Variants in FBXO17 observed in about 807,000 individuals in gnomAD.
The protein encoded by FBXO17 is F-box only protein 17.
In FBXO17, 43 loss-of-function variants were observed where a neutral mutation model predicts 34.1. That is an observed-to-expected ratio of 1.26 (90% CI 0.99 to 1.62). The LOEUF (loss-of-function observed/expected upper bound fraction) is 1.62. Among genes scored for constraint, FBXO17 ranks in the 40% most tolerant of loss-of-function variants. FBXO17 has a pLI of 0.00. For synonymous variants in FBXO17, 169 were observed against 166.0 expected (o/e 1.02, Z -0.14); for missense variants, 424 against 386.7 (o/e 1.10, Z -0.81).
At chr19:38,944,648 CCTGT>C (rs10596634) in intron 5 of FBXO17, 224,043 of 319,348 alleles carry the variant, frequency 0.7, 81,299 homozygotes, top group East Asian at 0.97. Context: ...ACATAACCTC[CCTGT>C]CTGTGCCTCT....
rs772765787 is a variant in FBXO17, at chr19:38,942,680, C to T, written c.765G>A (p.Val255=). ...CGCCATAGTGCCCCACCCAGGAACT[C>T]ACGTCTCTCCCGTACTGCTCAAAAG... is the stretch of plus-strand genomic sequence containing the variant. ...YVSFEQYGRD[V]SSWVGHYGAL... Residue 255 remains valine, a synonymous_variant, in exon 6 of 6, where the codon GTG becomes GTA. Coordinates refer to ENST00000292852, the MANE Select transcript of FBXO17 (RefSeq NM_024907.7). The T allele has an allele frequency of 6.2e-7, 1 of 1,603,400 alleles. No individual in the cohort carries two copies. Among genetic ancestry groups the T allele is most frequent in the Admixed American group, 1.7e-5 (1 of 58,154 alleles).
intron 2 of FBXO17, among the ~76,000 whole-genome samples, chr19:38,949,074 T>G (rs560676413): frequency 5.0e-4 from 76 of 151,278 alleles, no homozygotes; most frequent in African/African-American, 1.7e-3. Flanking sequence ...GGACCACAGG[T>G]GCATGCCACC....
chr19:38,954,613 CTT>C (rs34609435), intron 1 of FBXO17, among the ~76,000 whole-genome samples: 14 of 97,446 alleles, frequency 1.4e-4, no homozygotes, highest in Non-Finnish European at 2.6e-4. Flanking sequence ...GAGTTTCACT[CTT>C]GTTGCCCAGG....
intron 1 of FBXO17, among the ~76,000 whole-genome samples, chr19:38,957,622 A>G (rs1433882708): frequency 6.6e-6 from 1 of 151,980 alleles, no homozygotes; most frequent in African/African-American, 2.4e-5. Context: ...GGGATTACAG[A>G]CTTGAGCCAC....
intron 5 of FBXO17, 48 bp downstream of exon 5, chr19:38,944,921 G>A (rs746634528): frequency 3.6e-5 from 58 of 1,608,544 alleles, no homozygotes; most frequent in Non-Finnish European, 4.2e-5. Flanking sequence ...GGCTGGGCGT[G>A]TGTGCCTTTA....
At chr19:38,952,004 G>A (rs925236696) in intron 1 of FBXO17, among the ~76,000 whole-genome samples, 3 of 150,078 alleles carry the variant, frequency 2.0e-5, no homozygotes, top group Non-Finnish European at 4.4e-5. Flanking sequence ...AGGCTGGAGT[G>A]CAGTGGCACA....
intron 1 of FBXO17, among the ~76,000 whole-genome samples, chr19:38,953,865 G>A (rs1291969843): frequency 1.3e-5 from 2 of 152,034 alleles, no homozygotes; most frequent in African/African-American, 2.4e-5. Context: ...GAACGGGTGT[G>A]GGCAAGGGTG....
rs1449283024 is a variant in FBXO17 at position 38,950,259 on chromosome 19, G to C, written c.61C>G (p.Leu21Val). ...ACCTGCACCAGCAGCTCCGGGGGCA[G>C]CGCGTCCAGGGCCAGGGATGGGTCC... Reference protein sequence around the residue: ...PADPSLALDALPPELLVQVLS... With the variant: ...PADPSLALDAVPPELLVQVLS... Residue 21 changes from leucine (L) to valine (V), a missense_variant, in exon 2 of 6, where the codon CTG (leucine) becomes GTG (valine). Coordinates refer to ENST00000292852, the MANE Select transcript of FBXO17 (RefSeq NM_024907.7). 1 of 1,506,656 alleles carries C rather than the reference G, an allele frequency of 6.6e-7. No homozygotes were observed. The highest frequency in any genetic ancestry group is 1.3e-5 in the South Asian group (1 of 79,104). 93.3% of individuals were successfully genotyped at this position (1,506,656 alleles called of 1,614,324 possible).
At chr19:38,953,665 CAAAACA>C (rs1323294437) in intron 1 of FBXO17, among the ~76,000 whole-genome samples, 1 of 151,452 alleles carries the variant, frequency 6.6e-6, no homozygotes, top group Non-Finnish European at 1.5e-5. Flanking sequence ...TGTCTCAAAA[CAAAACA>C]AAAACAAAAA....
intron 1 of FBXO17, among the ~76,000 whole-genome samples, chr19:38,968,315 T>G (rs556688029): frequency 5.6e-4 from 35 of 62,268 alleles, no homozygotes; most frequent in African/African-American, 4.8e-3. Flanking sequence ...CAAGACTCTG[T>G]CTCCAAAAAA....
In FBXO17 at chr19:38,946,660, A is replaced by G. The variant is rs1015009745; in HGVS notation, c.462-93T>C. 4 of 1,537,846 alleles carry G rather than the reference A, an allele frequency of 2.6e-6. No individual in the cohort carries two copies. The African/African-American group carries it at 5.4e-5, about 21-fold the overall frequency. ...CTCCTCCAAGAAGTCTCCCTTGATA[A>G]CCCTCTCTAAAGCAGCCCTCAGGGT... On this transcript the variant is annotated intron_variant, in intron 3 of 5. Coordinates refer to ENST00000292852, the MANE Select transcript of FBXO17 (RefSeq NM_024907.7).
At chr19:38,947,888 G>A (rs1232830393) in intron 3 of FBXO17, among the ~76,000 whole-genome samples, 1 of 149,910 alleles carries the variant, frequency 6.7e-6, no homozygotes, top group Non-Finnish European at 1.5e-5. Context: ...ATAAAGTGGG[G>A]GCAATAATAG....
chr19:38,949,823 GC>G, intron 2 of FBXO17, 147 bp downstream of exon 2: 3 of 1,016,562 alleles, frequency 3.0e-6, no homozygotes, highest in Non-Finnish European at 4.1e-6. Context: ...CGGGCCTACC[GC>G]CCAGGCACTG....
chr19:38,973,477 G>A (rs1055133766), intron 1 of FBXO17, among the ~76,000 whole-genome samples: 2 of 152,146 alleles, frequency 1.3e-5, no homozygotes, highest in Non-Finnish European at 2.9e-5. Flanking sequence ...CCCCGTGGGG[G>A]CTCAAACACC....
chr19:38,944,933 C>G, intron 5 of FBXO17, 36 bp downstream of exon 5: 1 of 1,610,422 alleles, frequency 6.2e-7, no homozygotes, highest in Non-Finnish European at 8.5e-7. Context: ...GTGCCTTTAG[C>G]GGGTCGGGGG....
At chr19:38,963,604 T>C (rs562830149) in intron 1 of FBXO17, among the ~76,000 whole-genome samples, 10 of 152,258 alleles carry the variant, frequency 6.6e-5, no homozygotes, top group African/African-American at 2.4e-4. Context: ...ATCCACTTGT[T>C]GTGTATCAAT....
chr19:38,956,518 C>T (rs896680499), intron 1 of FBXO17, among the ~76,000 whole-genome samples: 11 of 152,130 alleles, frequency 7.2e-5, no homozygotes, highest in African/African-American at 2.2e-4. Context: ...GCTGATCCAG[C>T]TTAAATGCTC....
In FBXO17 at chr19:38,946,519, C is replaced by T. The variant is rs146027496; in HGVS notation, c.510G>A (p.Trp170Ter). 3.1e-6 allele frequency: 5 copies of T among 1,613,926 alleles called. No individual in the cohort carries two copies. The highest frequency in any genetic ancestry group is 1.7e-5 in the Admixed American group (1 of 59,996). Residue 170 changes from tryptophan to a stop codon, truncating the protein, a stop_gained, in exon 4 of 6, where the codon TGG (tryptophan) becomes TGA (stop). Transcript: ENST00000292852. LOFTEE classifies it high-confidence loss of function. ...TCTGGGCGCTGTCCAGCAGCTCCTG[C>T]CACACCCCTTCCATCACCAGGTCCA... Reference protein sequence around the residue: ...QLVDLVMEGVWQELLDSAQIE... With the variant: ...QLVDLVMEGV
Position 38,946,568 on chromosome 19 carries a change from C to T in FBXO17, c.462-1G>A, listed in dbSNP as rs781624822. 12 of 1,613,982 alleles carry T rather than the reference C, an allele frequency of 7.4e-6. No individual in the cohort carries two copies. The highest frequency in any genetic ancestry group is 1.0e-5 in the Non-Finnish European group (12 of 1,179,914). ...CACAAGCTGCCTCTTGGAGCACCATCTGGGAAGGAGAGATGGCAGGGGGCA... is the reference window on the plus strand; with the variant it reads ...CACAAGCTGCCTCTTGGAGCACCATTTGGGAAGGAGAGATGGCAGGGGGCA... On this transcript the variant is annotated splice_acceptor_variant, in intron 3 of 5. Transcript: ENST00000292852. LOFTEE classifies it high-confidence loss of function.
Sources: allele counts gnomAD v4.1 joint callset (sites outside exome capture counted in the v4.1 genomes callset), GRCh38; gene constraint gnomAD v4.1.1; transcripts MANE v1.5; gene names NCBI Gene and HGNC (gene_info 2026-07-23, HGNC 2026-07-21).